DPY19L1: variants seen among roughly 807,000 people sequenced by gnomAD.
DPY19L1 encodes the protein protein C-mannosyl-transferase DPY19L1.
DPY19L1 carries 35 observed loss-of-function variants against 96.9 expected under a neutral mutation model. That is an observed-to-expected ratio of 0.36 (90% confidence interval 0.28 to 0.48). The LOEUF (loss-of-function observed/expected upper bound fraction) is 0.48. Ranked by LOEUF, DPY19L1 falls within the 20% of genes least tolerant of loss-of-function variation. The pLI, the probability that DPY19L1 is intolerant of heterozygous loss-of-function variation, is 0.99. For synonymous variants in DPY19L1, 205 were observed against 252.6 expected (o/e 0.81, Z 1.79); for missense variants, 521 against 777.9 (o/e 0.67, Z 3.93).
At chr7:34,967,911 A>G (rs1784645037) in intron 9 of DPY19L1, among the ~76,000 whole-genome samples, 1 of 152,192 alleles carries the variant, frequency 6.6e-6, no homozygotes, top group South Asian at 2.1e-4. Context: ...GCCTGATATG[A>G]CATAACAACT....
At chr7:35,022,637 G>A (rs1424129063) in intron 1 of DPY19L1, among the ~76,000 whole-genome samples, 2 of 152,190 alleles carry the variant, frequency 1.3e-5, no homozygotes, top group African/African-American at 4.8e-5. Context: ...CTTTACTACA[G>A]TACTTATTAG....
intron 15 of DPY19L1, among the ~76,000 whole-genome samples, chr7:34,946,891 A>G (rs1469231125): frequency 6.6e-6 from 1 of 152,266 alleles, no homozygotes; most frequent in Non-Finnish European, 1.5e-5. Flanking sequence ...GTTCTATACA[A>G]AGCAGAGTAC....
intron 6 of DPY19L1, among the ~76,000 whole-genome samples, chr7:34,991,751 C>T (rs539692532): frequency 6.6e-6 from 1 of 152,334 alleles, no homozygotes; most frequent in East Asian, 1.9e-4. Context: ...TTCCAAATCT[C>T]TCTCTCTAAC....
rs780550887 is a variant in DPY19L1 at position 34,931,564 on chromosome 7, A to T, written c.*9T>A. 19 of 1,532,406 alleles carry T rather than the reference A, an allele frequency of 1.2e-5. No individual in the cohort carries two copies. The highest frequency in any genetic ancestry group is 1.6e-5 in the Non-Finnish European group (18 of 1,143,414). The allele number at this position is 1,532,406 out of a possible 1,614,324, so 94.9% of individuals were successfully genotyped here. A position where few individuals can be genotyped will look rare whatever the true frequency, so the allele number is the denominator to read the frequency against. On this transcript the variant is annotated 3_prime_UTR_variant, in exon 22 of 22. Coordinates refer to ENST00000638088, the MANE Select transcript of DPY19L1 (RefSeq NM_001366673.1). Reference sequence around the variant, plus strand: ...TGTAGTTCTCCGTAGGCAGCAGGTCATGTAGCAGTCATTCTTTTACAACTT... The same window carrying T: ...TGTAGTTCTCCGTAGGCAGCAGGTCTTGTAGCAGTCATTCTTTTACAACTT...
At chr7:35,030,109 T>C (rs1238987228) in intron 1 of DPY19L1, among the ~76,000 whole-genome samples, 2 of 152,178 alleles carry the variant, frequency 1.3e-5, no homozygotes, top group Admixed American at 6.5e-5. Context: ...TTTTTAAACT[T>C]AGCGGAAAAC....
At chr7:34,996,868 C>T (rs1785297177) in intron 6 of DPY19L1, among the ~76,000 whole-genome samples, 1 of 152,160 alleles carries the variant, frequency 6.6e-6, no homozygotes, top group Non-Finnish European at 1.5e-5. Flanking sequence ...ATGATAAGAC[C>T]ACACTGACAA....
chr7:34,981,797 A>C (rs1584235181), intron 7 of DPY19L1, among the ~76,000 whole-genome samples: 1 of 152,154 alleles, frequency 6.6e-6, no homozygotes, highest in Admixed American at 6.5e-5. Context: ...ATAAAAGTAT[A>C]AAAATTAGCC....
chr7:35,024,779 T>C (rs1367842128), intron 1 of DPY19L1, among the ~76,000 whole-genome samples: 1 of 152,240 alleles, frequency 6.6e-6, no homozygotes, highest in Non-Finnish European at 1.5e-5. Flanking sequence ...ATCCTAGCTA[T>C]AATACCACGA....
chr7:35,004,106 C>A (rs1359655395), intron 6 of DPY19L1, among the ~76,000 whole-genome samples: 1 of 152,162 alleles, frequency 6.6e-6, no homozygotes, highest in Non-Finnish European at 1.5e-5. Flanking sequence ...ACATCCTGAT[C>A]GTCACATCTC....
At chr7:34,966,051 T>C (rs1377757956) in intron 10 of DPY19L1, among the ~76,000 whole-genome samples, 1 of 152,092 alleles carries the variant, frequency 6.6e-6, no homozygotes, top group African/African-American at 2.4e-5. Flanking sequence ...TTTTTTTTAA[T>C]AGAGATGGGG....
chr7:35,026,039 C>CT (rs1786111945), intron 1 of DPY19L1, among the ~76,000 whole-genome samples: 1 of 152,114 alleles, frequency 6.6e-6, no homozygotes, highest in Non-Finnish European at 1.5e-5. Flanking sequence ...TAAGAGGTGT[C>CT]TGAGTATAAA....
At chr7:34,932,165 A>T (rs1431643534) in intron 21 of DPY19L1, among the ~76,000 whole-genome samples, 1 of 152,246 alleles carries the variant, frequency 6.6e-6, no homozygotes, top group Non-Finnish European at 1.5e-5. Flanking sequence ...AAAACGTATG[A>T]CATTGATTTA....
At chr7:34,982,050 G>A (rs1029141426) in intron 7 of DPY19L1, among the ~76,000 whole-genome samples, 21 of 152,112 alleles carry the variant, frequency 1.4e-4, no homozygotes, top group Admixed American at 1.4e-3. Context: ...AAAATAATTA[G>A]ACTCCTCAAA....
intron 16 of DPY19L1, among the ~76,000 whole-genome samples, chr7:34,944,229 G>T (rs891292026): frequency 6.6e-6 from 1 of 151,764 alleles, no homozygotes; most frequent in African/African-American, 2.4e-5. Flanking sequence ...TGGGCGTGGT[G>T]GTGGTCGCCT....
chr7:34,977,024 G>T (rs1784845288), intron 7 of DPY19L1, among the ~76,000 whole-genome samples: 2 of 151,822 alleles, frequency 1.3e-5, no homozygotes, highest in African/African-American at 4.8e-5. Flanking sequence ...CCTGACCTCA[G>T]GTGATCCGCC....
chr7:34,957,906 GAATCCT>G, intron 11 of DPY19L1, 72 bp downstream of exon 11: 1 of 895,784 alleles, frequency 1.1e-6, no homozygotes, highest in Non-Finnish European at 1.7e-6. Flanking sequence ...AAACCCTGAT[GAATCCT>G]AAGCCAGTGA....
In DPY19L1 at chr7:34,973,674, A is replaced by T. The variant is rs921099266; in HGVS notation, c.823-69T>A. 1.3e-5 allele frequency: 10 copies of T among 782,876 alleles called. No homozygotes were observed. In the Admixed American group the frequency reaches 3.5e-4, roughly 28 times the overall value. 48.5% of individuals were successfully genotyped at this position (782,876 alleles called of 1,614,324 possible). A position where few individuals can be genotyped will look rare whatever the true frequency, so the allele number is the denominator to read the frequency against. ...TAAGACATTCCAAGTAAAAATTGCTATTTATAAATAAAATTATTTTTAACA... is the reference window on the plus strand; with the variant it reads ...TAAGACATTCCAAGTAAAAATTGCTTTTTATAAATAAAATTATTTTTAACA... On this transcript the variant is annotated intron_variant, in intron 7 of 21. Coordinates refer to ENST00000638088, the MANE Select transcript of DPY19L1 (RefSeq NM_001366673.1).
chr7:34,980,714 A>G (rs563797966), intron 7 of DPY19L1, among the ~76,000 whole-genome samples: 1 of 152,290 alleles, frequency 6.6e-6, no homozygotes, highest in South Asian at 2.1e-4. Flanking sequence ...TCATCAGGAA[A>G]ATGCAAACTA....
intron 7 of DPY19L1, among the ~76,000 whole-genome samples, chr7:34,989,667 A>G (rs1785125140): frequency 6.6e-6 from 1 of 152,020 alleles, no homozygotes; most frequent in Non-Finnish European, 1.5e-5. Flanking sequence ...CAGAATTGAT[A>G]CAGTTGATAC....
Sources: allele counts gnomAD v4.1 joint callset (sites outside exome capture counted in the v4.1 genomes callset), GRCh38; gene constraint gnomAD v4.1.1; transcripts MANE v1.5; gene names NCBI Gene and HGNC (gene_info 2026-07-23, HGNC 2026-07-21).